The following NTN1 variants were observed in gnomAD, a reference collection of about 807,000 sequenced individuals.
NTN1 encodes the protein netrin-1.
In NTN1, 11 loss-of-function variants were observed where a neutral mutation model predicts 54.2. The ratio of observed to expected loss-of-function variants is 0.20; its 90% CI spans 0.13 to 0.34. The LOEUF (loss-of-function observed/expected upper bound fraction) is 0.34, where lower values mean the gene tolerates loss of function less well. Among genes scored for constraint, NTN1 ranks in the 10% least tolerant of loss-of-function variants. The pLI is 1.00. For missense variants in NTN1, 740 were observed against 893.1 expected (o/e 0.83, Z 2.18); for synonymous variants, 371 against 382.0 (o/e 0.97, Z 0.33).
chr17:9,003,173 C>T, the NTN1 span, among the ~76,000 whole-genome samples: 13 of 152,032 alleles, frequency 8.6e-5, no homozygotes, highest in Non-Finnish European at 1.9e-4. The surrounding 1 kb of genome is among the most constrained non-coding windows in gnomAD (Gnocchi z 7.4). Flanking sequence ...TCCCGAGTCG[C>T]GGCCGGGTGG....
At chr17:9,148,224 C>G (rs1225262980) in intron 2 of NTN1, among the ~76,000 whole-genome samples, 1 of 152,180 alleles carries the variant, frequency 6.6e-6, no homozygotes, top group Non-Finnish European at 1.5e-5. Flanking sequence ...CCACGTGCTC[C>G]TGGGCACAGG....
At chr17:9,170,356 C>G (rs1161465092) in intron 3 of NTN1, among the ~76,000 whole-genome samples, 1 of 152,222 alleles carries the variant, frequency 6.6e-6, no homozygotes, top group Non-Finnish European at 1.5e-5. Context: ...CTAGAACCCT[C>G]TGCCATTGTC....
chr17:9,180,018 G>A, intron 4 of NTN1, 62 bp downstream of exon 4: 1 of 1,548,572 alleles, frequency 6.5e-7, no homozygotes, highest in South Asian at 1.2e-5. Flanking sequence ...GAGCTTTTGA[G>A]GATGCTAGTC....
chr17:9,188,364 G>A (rs1179656084), intron 5 of NTN1, among the ~76,000 whole-genome samples: 1 of 151,144 alleles, frequency 6.6e-6, no homozygotes, highest in Non-Finnish European at 1.5e-5. Context: ...GGAGGTGGAG[G>A]TTGCAGTGAG....
intron 6 of NTN1, among the ~76,000 whole-genome samples, chr17:9,229,131 AGTGT>A (rs1416425946): frequency 7.0e-6 from 1 of 142,624 alleles, no homozygotes; most frequent in Non-Finnish European, 1.5e-5. Flanking sequence ...TGTTACTGTG[AGTGT>A]GTGACTGTGG....
chr17:9,202,933 T>G (rs911245212), intron 5 of NTN1, among the ~76,000 whole-genome samples: 1 of 152,114 alleles, frequency 6.6e-6, no homozygotes, highest in African/African-American at 2.4e-5. Flanking sequence ...TTATTTTTTA[T>G]TTTTTTGAGA....
chr17:9,167,785 C>T (rs1238049532), intron 3 of NTN1, among the ~76,000 whole-genome samples: 1 of 152,204 alleles, frequency 6.6e-6, no homozygotes, highest in Non-Finnish European at 1.5e-5. Flanking sequence ...CCTCTGTTTC[C>T]TTGGGTCACT....
At chr17:9,182,104 A>G in intron 4 of NTN1, among the ~76,000 whole-genome samples, 1 of 152,144 alleles carries the variant, frequency 6.6e-6, no homozygotes, top group East Asian at 1.9e-4. Context: ...CAGCCTCCTG[A>G]GTGGCTGGGA....
chr17:9,214,105 G>A (rs1488190891), intron 5 of NTN1, among the ~76,000 whole-genome samples: 1 of 151,242 alleles, frequency 6.6e-6, no homozygotes, highest in Non-Finnish European at 1.5e-5. Flanking sequence ...TTCTACTTCT[G>A]TTGTTATTAA....
Position 9,113,585 on chromosome 17 carries a change from C to A in NTN1, c.1019-49228C>A, listed in dbSNP as rs114483347. Among the ~76,000 whole-genome samples the A allele has an allele frequency of 4.0e-3, 602 of 152,090 alleles. 6 individuals carry two copies. The highest frequency in any genetic ancestry group is 0.014 in the African/African-American group (565 of 41,468). On this transcript the variant is annotated intron_variant, in intron 2 of 6. Transcript: ENST00000173229. ...GGAGAACATGTCAGGAGATTGGCACCCTCTTATTGCAGGAAGACACTTTCT... is the reference window on the plus strand; with the variant it reads ...GGAGAACATGTCAGGAGATTGGCACACTCTTATTGCAGGAAGACACTTTCT...
upstream of NTN1, among the ~76,000 whole-genome samples, chr17:9,019,585 C>G (rs1229621269): frequency 1.3e-5 from 2 of 152,300 alleles, no homozygotes; most frequent in South Asian, 4.1e-4. Flanking sequence ...CTATAATATT[C>G]AAATGTGTCA....
intron 5 of NTN1, among the ~76,000 whole-genome samples, chr17:9,187,666 A>C (rs559811781): frequency 0.018 from 2,640 of 150,628 alleles, 35 homozygotes; most frequent in Non-Finnish European, 0.028. Context: ...AAAAAAAAAA[A>C]AAAAAAAAAA....
At chr17:9,194,107 G>A (rs1194648717) in intron 5 of NTN1, among the ~76,000 whole-genome samples, 1 of 150,682 alleles carries the variant, frequency 6.6e-6, no homozygotes, top group Non-Finnish European at 1.5e-5. Context: ...ATGGTGGCAG[G>A]CACCTGTAAT....
At chr17:9,226,102 G>C (rs1905531524) in intron 6 of NTN1, among the ~76,000 whole-genome samples, 1 of 145,212 alleles carries the variant, frequency 6.9e-6, no homozygotes. Context: ...CGCTTACAGA[G>C]AGCCAGAGCC....
rs1229784959 is a variant in NTN1, at chr17:9,234,963, G to GTTT, written c.1487-4677_1487-4676insTTT. Among the ~76,000 whole-genome samples, 87 of 67,410 alleles carry GTTT rather than the reference G, an allele frequency of 1.3e-3. 2 individuals carry two copies. The highest frequency in any genetic ancestry group is 4.6e-3 in the African/African-American group (51 of 10,986). The allele number at this position is 67,410 out of a possible 152,430, so 44.2% of individuals were successfully genotyped here. Reference sequence around the variant, plus strand: ...TTTTTTTGTCTGTTTTTTGTTTTTTGGTTTTTTTTTTTTTTTGAGATGGAG... The same window carrying GTTT: ...TTTTTTTGTCTGTTTTTTGTTTTTTGTTTGTTTTTTTTTTTTTTTGAGATGGAG... On this transcript the variant is annotated intron_variant, in intron 6 of 6. Coordinates refer to ENST00000173229, the MANE Select transcript of NTN1 (RefSeq NM_004822.3).
At chr17:9,234,922 C>T (rs183969409) in intron 6 of NTN1, among the ~76,000 whole-genome samples, 661 of 151,956 alleles carry the variant, frequency 4.3e-3, no homozygotes, top group Non-Finnish European at 7.2e-3. Flanking sequence ...TACCAGCAGT[C>T]CCTAATTTGT....
chr17:9,115,673 T>C (rs1016528959), intron 2 of NTN1, among the ~76,000 whole-genome samples: 3 of 151,834 alleles, frequency 2.0e-5, no homozygotes, highest in Non-Finnish European at 4.4e-5. Flanking sequence ...GACTCATCCT[T>C]CCCCCCCGGG....
rs563874842 is a variant in NTN1, at chr17:9,228,419, C to T, written c.1486+7177C>T. ...CTGGTGTTGGCCTCATCAGTTGCATCTGTGTGCCGAAGCCACTCTGACCCC... is the reference window on the plus strand; with the variant it reads ...CTGGTGTTGGCCTCATCAGTTGCATTTGTGTGCCGAAGCCACTCTGACCCC... On this transcript the variant is annotated intron_variant, in intron 6 of 6. Transcript: ENST00000173229. 6.6e-5 allele frequency among the ~76,000 whole-genome samples: 10 copies of T among 152,290 alleles called. 1 individual carries two copies. The South Asian group carries it at 2.1e-3, about 32-fold the overall frequency.
chr17:9,085,526 G>A (rs2092087350), intron 2 of NTN1, among the ~76,000 whole-genome samples: 1 of 152,218 alleles, frequency 6.6e-6, no homozygotes, highest in South Asian at 2.1e-4. Context: ...AGGAAGTGGA[G>A]GATGGATATT....
Sources: allele counts gnomAD v4.1 joint callset (sites outside exome capture counted in the v4.1 genomes callset), GRCh38; gene constraint gnomAD v4.1.1; non-coding constraint Gnocchi (gnomAD v3.1); transcripts MANE v1.5; gene names NCBI Gene and HGNC (gene_info 2026-07-23, HGNC 2026-07-21).